Variants in PDE1A observed in about 807,000 individuals in gnomAD.
The protein encoded by PDE1A is dual specificity calcium/calmodulin-dependent 3',5'-cyclic nucleotide phosphodiesterase 1A.
A neutral mutation model predicts 61.7 loss-of-function variants in PDE1A; 35 were observed. The observed-to-expected ratio is 0.57, with a 90% CI of 0.43 to 0.75. The LOEUF (loss-of-function observed/expected upper bound fraction) is 0.75. Among genes scored for constraint, PDE1A ranks in the 30% least tolerant of loss-of-function variants. PDE1A has a pLI of 0.00. For missense variants in PDE1A, 597 were observed against 630.6 expected (o/e 0.95, Z 0.57); for synonymous variants, 232 against 213.2 (o/e 1.09, Z -0.77).
At chr2:182,626,752 T>TATATATATAC in the PDE1A span, among the ~76,000 whole-genome samples, 232 of 21,518 alleles carry the variant, frequency 0.011, 20 homozygotes, top group Non-Finnish European at 0.018. Context: ...TATATACATA[T>TATATATATAC]ATATATATAC....
At chr2:182,278,054 C>T (rs1574232270) in intron 1 of PDE1A, among the ~76,000 whole-genome samples, 1 of 148,776 alleles carries the variant, frequency 6.7e-6, no homozygotes, top group Admixed American at 6.7e-5. Context: ...ATCCTGATGA[C>T]TTCTTCTTGG....
In PDE1A at chr2:182,509,573, T is replaced by C. The variant is rs1372253850; in HGVS notation, c.101+12703A>G. Among the ~76,000 whole-genome samples, 3 of 152,192 alleles carry C rather than the reference T, an allele frequency of 2.0e-5. No individual in the cohort carries two copies. In the East Asian group the frequency reaches 5.8e-4, roughly 29 times the overall value. On this transcript the variant is annotated intron_variant, in intron 2 of 14. Transcript: ENST00000410103. ...GGCCCTCCCCTTACTAAATGTGAAA[T>C]AGTGGCCAAGTGGTTTAATATCCTG...
At chr2:182,703,519 A>T in the PDE1A span, among the ~76,000 whole-genome samples, 2 of 152,196 alleles carry the variant, frequency 1.3e-5, no homozygotes, top group Admixed American at 6.5e-5. Context: ...ACTCTACAAA[A>T]ATGGAGAATG....
intron 1 of PDE1A, among the ~76,000 whole-genome samples, chr2:182,371,526 G>T (rs1168748186): frequency 6.6e-6 from 1 of 152,164 alleles, no homozygotes; most frequent in Non-Finnish European, 1.5e-5. Flanking sequence ...TGTTTCAGCA[G>T]ATAGGCAGAA....
chr2:182,440,973 GCTA>G (rs1684755627), intron 2 of PDE1A, among the ~76,000 whole-genome samples: 1 of 151,956 alleles, frequency 6.6e-6, no homozygotes, highest in Admixed American at 6.6e-5. Flanking sequence ...CCATTCTCAT[GCTA>G]CTAATAAAGA....
chr2:182,336,785 A>G (rs936458661), intron 1 of PDE1A, among the ~76,000 whole-genome samples: 11 of 150,168 alleles, frequency 7.3e-5, no homozygotes, highest in Admixed American at 2.0e-4. Flanking sequence ...ATAAGTCCCT[A>G]TGAGAGTTGA....
At chr2:182,565,309 A>G in the PDE1A span, among the ~76,000 whole-genome samples, 1 of 152,168 alleles carries the variant, frequency 6.6e-6, no homozygotes, top group African/African-American at 2.4e-5. Flanking sequence ...GGAGTTTGCT[A>G]GAGGTCCACT....
chr2:182,324,579 A>C (rs928650263), intron 1 of PDE1A, among the ~76,000 whole-genome samples: 2 of 152,118 alleles, frequency 1.3e-5, no homozygotes, highest in Non-Finnish European at 2.9e-5. Context: ...TCTATGTTAG[A>C]GGTCAAATCT....
intron 7 of PDE1A, among the ~76,000 whole-genome samples, chr2:182,221,502 C>G (rs1230432554): frequency 2.6e-5 from 4 of 152,012 alleles, no homozygotes; most frequent in Non-Finnish European, 5.9e-5. Context: ...CTATACTCTG[C>G]AAATATGGGT....
chr2:182,237,195 A>T (rs1690085921), intron 3 of PDE1A, among the ~76,000 whole-genome samples: 1 of 152,200 alleles, frequency 6.6e-6, no homozygotes, highest in Non-Finnish European at 1.5e-5. Context: ...AAAACTCTTT[A>T]AAAATACTAT....
the PDE1A span, among the ~76,000 whole-genome samples, chr2:182,575,091 T>C: frequency 6.6e-6 from 1 of 152,180 alleles, no homozygotes; most frequent in Non-Finnish European, 1.5e-5. Flanking sequence ...CATTCTGTAT[T>C]CCCTTTGCTT....
At chr2:182,654,122 A>G in the PDE1A span, among the ~76,000 whole-genome samples, 1 of 152,102 alleles carries the variant, frequency 6.6e-6, no homozygotes, top group Non-Finnish European at 1.5e-5. Flanking sequence ...TAATTATGAA[A>G]CTCTTGATTG....
intron 3 of PDE1A, among the ~76,000 whole-genome samples, chr2:182,239,555 A>T (rs1690332696): frequency 6.6e-6 from 1 of 152,150 alleles, no homozygotes; most frequent in Non-Finnish European, 1.5e-5. Flanking sequence ...TGATGATATA[A>T]CTAGGCGTTT....
At chr2:182,366,988 AAAGC>A (rs1699870499) in intron 1 of PDE1A, among the ~76,000 whole-genome samples, 1 of 152,060 alleles carries the variant, frequency 6.6e-6, no homozygotes. Context: ...TTACAAACAA[AAAGC>A]AAGTGAGATT....
At chr2:182,438,106 T>C (rs899312268) in intron 2 of PDE1A, among the ~76,000 whole-genome samples, 3 of 151,944 alleles carry the variant, frequency 2.0e-5, no homozygotes, top group Non-Finnish European at 2.9e-5. Flanking sequence ...AGAACTCCTC[T>C]TGTTTTTCCT....
the PDE1A span, among the ~76,000 whole-genome samples, chr2:182,651,983 A>G: frequency 6.6e-6 from 1 of 152,234 alleles, no homozygotes; most frequent in Non-Finnish European, 1.5e-5. Context: ...ACTTAGCTCT[A>G]AAATGGGATA....
intron 1 of PDE1A, among the ~76,000 whole-genome samples, chr2:182,306,948 C>T (rs902211528): frequency 2.6e-5 from 4 of 152,056 alleles, no homozygotes; most frequent in East Asian, 1.9e-4. Flanking sequence ...AGTAGATAAA[C>T]GGGATTACAT....
chr2:182,468,871 G>T (rs1233765036), intron 2 of PDE1A, among the ~76,000 whole-genome samples: 1 of 152,008 alleles, frequency 6.6e-6, no homozygotes, highest in African/African-American at 2.4e-5. Flanking sequence ...GCTCCTGGGT[G>T]ACCAGATGCA....
chr2:182,430,387 C>T (rs1703872999), upstream of PDE1A, among the ~76,000 whole-genome samples: 1 of 98,336 alleles, frequency 1.0e-5, no homozygotes, highest in Non-Finnish European at 2.1e-5. Flanking sequence ...CAGAGAAATG[C>T]AAATCAAAAC....
Sources: gnomAD v4.1 joint callset for allele counts (sites outside exome capture counted in the v4.1 genomes callset) on GRCh38, gnomAD v4.1.1 for gene constraint, MANE v1.5 for transcripts, NCBI Gene and HGNC (gene_info 2026-07-23, HGNC 2026-07-21) for gene names.